The following NR1H4 variants were observed in gnomAD, a reference collection of about 807,000 sequenced individuals.
NR1H4 encodes the protein bile acid receptor.
Under a neutral mutation model 58.5 loss-of-function variants are expected in NR1H4, and 23 were observed. The observed-to-expected ratio is 0.39, with a 90% CI of 0.28 to 0.56. NR1H4 has a LOEUF of 0.56. Among genes scored for constraint, NR1H4 ranks in the 20% least tolerant of loss-of-function variants. The pLI, the probability that NR1H4 is intolerant of heterozygous loss-of-function variation, is 0.58. For synonymous variants in NR1H4, 214 were observed against 198.0 expected (o/e 1.08, Z -0.68); for missense variants, 487 against 576.9 (o/e 0.84, Z 1.60).
At position 100,492,515 on chromosome 12, in the gene NR1H4, C is replaced by T. The variant is rs1953627249; in HGVS notation, c.-177C>T. 6.6e-6 allele frequency: 1 copy of T among 152,156 alleles called. No individual in the cohort carries two copies. The highest frequency in any genetic ancestry group is 2.4e-5 in the African/African-American group (1 of 41,434). 9.4% of individuals were successfully genotyped at this position (152,156 alleles called of 1,614,324 possible). A position where few individuals can be genotyped will look rare whatever the true frequency, so the allele number is the denominator to read the frequency against. On this transcript the variant is annotated 5_prime_UTR_variant, in exon 2 of 11. Coordinates refer to ENST00000392986, the MANE Select transcript of NR1H4 (RefSeq NM_001206979.2). ...ATTACTTCTTTAGGGAGGTAGAAGACATCGTAGAAGGAGTGAAAGAAGAAA... is the reference window on the plus strand; with the variant it reads ...ATTACTTCTTTAGGGAGGTAGAAGATATCGTAGAAGGAGTGAAAGAAGAAA...
chr12:100,508,468 C>T (rs948503832), intron 3 of NR1H4, among the ~76,000 whole-genome samples: 6 of 152,054 alleles, frequency 3.9e-5, no homozygotes, highest in African/African-American at 1.4e-4. Flanking sequence ...TTAAGTATCA[C>T]ACACCTGAAA....
chr12:100,555,461 G>GT (rs1955301145), intron 9 of NR1H4, among the ~76,000 whole-genome samples: 1 of 152,118 alleles, frequency 6.6e-6, no homozygotes, highest in South Asian at 2.1e-4. Context: ...GAATTTGTTG[G>GT]TTTTTTAAAA....
intron 9 of NR1H4, among the ~76,000 whole-genome samples, chr12:100,558,789 A>G (rs931285890): frequency 6.6e-6 from 1 of 152,220 alleles, no homozygotes; most frequent in African/African-American, 2.4e-5. Flanking sequence ...CGAGGTGGCT[A>G]GAGGAAAGGC....
rs555090562 is a variant in NR1H4, at chr12:100,492,502, G to A, written c.-189-1G>A. 1.3e-5 allele frequency: 2 copies of A among 152,250 alleles called. No homozygotes were observed. The highest frequency in any genetic ancestry group is 4.8e-5 in the African/African-American group (2 of 41,544). 9.4% of individuals were successfully genotyped at this position (152,250 alleles called of 1,614,324 possible). ...TTTAACCTTTCAAATTACTTCTTTA[G>A]GGAGGTAGAAGACATCGTAGAAGGA... On this transcript the variant is annotated splice_acceptor_variant, in intron 1 of 10. Coordinates refer to ENST00000392986, the MANE Select transcript of NR1H4 (RefSeq NM_001206979.2). LOFTEE classifies it low-confidence loss of function (5UTR_SPLICE).
chr12:100,511,904 A>AAGAG (rs1954127512), intron 4 of NR1H4, among the ~76,000 whole-genome samples: 1 of 151,516 alleles, frequency 6.6e-6, no homozygotes, highest in Non-Finnish European at 1.5e-5. Flanking sequence ...CCTGGGCAAC[A>AAGAG]AGAGCGAAAA....
At chr12:100,478,327 T>A (rs1002021256) in intron 1 of NR1H4, among the ~76,000 whole-genome samples, 3 of 152,240 alleles carry the variant, frequency 2.0e-5, no homozygotes, top group Non-Finnish European at 2.9e-5. Flanking sequence ...GAGAGGTTTA[T>A]AATTTTTGTT....
At chr12:100,504,910 A>G (rs1410578578) in intron 3 of NR1H4, among the ~76,000 whole-genome samples, 1 of 152,198 alleles carries the variant, frequency 6.6e-6, no homozygotes, top group Non-Finnish European at 1.5e-5. Flanking sequence ...GTACAGAGGT[A>G]GGAGAGGTGA....
chr12:100,510,878 G>A lies in NR1H4; in HGVS notation c.180G>A (p.Gln60=), dbSNP rs142009137. The change falls in exon 4 of 11, where the codon CAG becomes CAA. Residue 60 remains glutamine (Q), a synonymous_variant. Coordinates refer to ENST00000392986, the MANE Select transcript of NR1H4 (RefSeq NM_001206979.2). ...SNVQFPQVQP[Q]ISSSSYYSNL... ...TTCAGTTTCCCCAAGTTCAACCACA[G>A]ATTTCCTCGTCATCCTATTATTCCA... 109 of 1,614,044 alleles carry A rather than the reference G, an allele frequency of 6.8e-5. 1 individual carries two copies. In the Middle Eastern group the frequency reaches 1.8e-3, roughly 27 times the overall value.
At chr12:100,503,406 G>A (rs754545354) in intron 3 of NR1H4, 1 of 1,597,268 alleles carries the variant, frequency 6.3e-7, no homozygotes, top group Admixed American at 1.7e-5. Flanking sequence ...GCAGTTTCAG[G>A]GGTTAGAAAA....
chr12:100,533,775 ATAAAT>A (rs1231235474), intron 5 of NR1H4, among the ~76,000 whole-genome samples: 1 of 152,252 alleles, frequency 6.6e-6, no homozygotes, highest in Non-Finnish European at 1.5e-5. Flanking sequence ...GTTCTATAAA[ATAAAT>A]TCCCTGTACA....
intron 1 of NR1H4, among the ~76,000 whole-genome samples, chr12:100,475,675 C>G (rs924724984): frequency 6.6e-6 from 1 of 152,174 alleles, no homozygotes; most frequent in African/African-American, 2.4e-5. Context: ...CATGTCCTAG[C>G]CTTTACTTCA....
In NR1H4 at chr12:100,485,306, G is replaced by C. The variant is rs568503713; in HGVS notation, c.-189-7197G>C. Among the ~76,000 whole-genome samples, 4 of 152,290 alleles carry C rather than the reference G, an allele frequency of 2.6e-5. No individual in the cohort carries two copies. In the East Asian group the frequency reaches 5.8e-4, roughly 22 times the overall value. On this transcript the variant is annotated intron_variant, in intron 1 of 10. Transcript: ENST00000392986. Reference sequence around the variant, plus strand: ...CTGTGGCTCAGAAAGGAGCCATAGAGAGCAAGTAAACAAAAGGGCAAATCT... The same window carrying C: ...CTGTGGCTCAGAAAGGAGCCATAGACAGCAAGTAAACAAAAGGGCAAATCT...
chr12:100,527,263 C>G (rs1353113076), intron 4 of NR1H4, among the ~76,000 whole-genome samples: 1 of 152,238 alleles, frequency 6.6e-6, no homozygotes, highest in Non-Finnish European at 1.5e-5. Flanking sequence ...CACAGTGGCT[C>G]ATGCCTGTAA....
chr12:100,550,276 A>C (rs574810782), intron 9 of NR1H4, among the ~76,000 whole-genome samples: 66 of 152,288 alleles, frequency 4.3e-4, no homozygotes, highest in African/African-American at 1.6e-3. Flanking sequence ...TTAAGTTGGA[A>C]TTGTTAATAA....
At chr12:100,506,130 CTG>C (rs150032528) in intron 3 of NR1H4, among the ~76,000 whole-genome samples, 37 of 152,130 alleles carry the variant, frequency 2.4e-4, no homozygotes, top group African/African-American at 8.2e-4. Context: ...TCAAGACAGA[CTG>C]TGTTAATAAT....
intron 9 of NR1H4, among the ~76,000 whole-genome samples, chr12:100,552,456 C>T (rs1955224235): frequency 6.6e-6 from 1 of 152,184 alleles, no homozygotes; most frequent in South Asian, 2.1e-4. Flanking sequence ...CTTAGCACCA[C>T]AAGAATATGT....
At chr12:100,487,768 C>T (rs762496323) in intron 1 of NR1H4, among the ~76,000 whole-genome samples, 167 of 151,088 alleles carry the variant, frequency 1.1e-3, no homozygotes, top group Non-Finnish European at 1.8e-3. Flanking sequence ...CCTGCCACCA[C>T]GCCTGGCTAA....
chr12:100,480,237 C>A (rs1182405157), intron 1 of NR1H4, among the ~76,000 whole-genome samples: 1 of 152,138 alleles, frequency 6.6e-6, no homozygotes, highest in Non-Finnish European at 1.5e-5. Flanking sequence ...GTTTTTCTTG[C>A]CTGACTTTTC....
At chr12:100,478,275 A>G (rs906148237) in intron 1 of NR1H4, among the ~76,000 whole-genome samples, 10 of 152,182 alleles carry the variant, frequency 6.6e-5, no homozygotes, top group Non-Finnish European at 1.3e-4. Context: ...AACATTTATT[A>G]ATTTAGAAAA....
Sources: allele counts gnomAD v4.1 joint callset (sites outside exome capture counted in the v4.1 genomes callset), GRCh38; gene constraint gnomAD v4.1.1; transcripts MANE v1.5; gene names NCBI Gene and HGNC (gene_info 2026-07-23, HGNC 2026-07-21).